The following ALDH1L2 variants were observed in gnomAD, a reference collection of about 807,000 sequenced individuals.
The protein encoded by ALDH1L2 is aldehyde dehydrogenase 1 family member L2.
Under a neutral mutation model 111.0 loss-of-function variants are expected in ALDH1L2, and 91 were observed. That is an observed-to-expected ratio of 0.82 (90% confidence interval 0.69 to 0.98). ALDH1L2 has a LOEUF of 0.98. ALDH1L2 is among the 50% of genes least tolerant of loss of function. The pLI, the probability that ALDH1L2 is intolerant of heterozygous loss-of-function variation, is 0.00. For missense variants in ALDH1L2, 995 were observed against 1,126.8 expected (o/e 0.88, Z 1.67); for synonymous variants, 374 against 392.6 (o/e 0.95, Z 0.56).
chr12:105,073,301 T>TTACCCACATGCTG (rs1236500874), intron 2 of ALDH1L2, among the ~76,000 whole-genome samples: 2 of 152,342 alleles, frequency 1.3e-5, no homozygotes, highest in East Asian at 3.9e-4. Context: ...ACACACGCTG[T>TTACCCACATGCTG]TACCCACATG....
intron 21 of ALDH1L2, among the ~76,000 whole-genome samples, chr12:105,029,037 T>G (rs1439134176): frequency 2.6e-5 from 4 of 151,652 alleles, no homozygotes; most frequent in Non-Finnish European, 5.9e-5. Flanking sequence ...TTTTTTTTTT[T>G]TTTTTTAGAG....
In ALDH1L2 at chr12:105,023,559, G is replaced by T. The variant is rs1254881811; in HGVS notation, c.*865C>A. Reference sequence around the variant, plus strand: ...TACTTACCATGAGCAAAGCATTAATGTGAGGTGCTTTACTTACATTACTGC... The same window carrying T: ...TACTTACCATGAGCAAAGCATTAATTTGAGGTGCTTTACTTACATTACTGC... On this transcript the variant is annotated 3_prime_UTR_variant, in exon 23 of 23. Coordinates refer to ENST00000258494, the MANE Select transcript of ALDH1L2 (RefSeq NM_001034173.4). The T allele has an allele frequency of 6.6e-6, 1 of 152,180 alleles. No individual in the cohort carries two copies. Among genetic ancestry groups the T allele is most frequent in the East Asian group, 1.9e-4 (1 of 5,202 alleles). The allele number at this position is 152,180 out of a possible 1,614,324, so 9.4% of individuals were successfully genotyped here. A position where few individuals can be genotyped will look rare whatever the true frequency, so the allele number is the denominator to read the frequency against.
Position 105,061,041 on chromosome 12 carries a change from G to A in ALDH1L2, c.1079C>T (p.Pro360Leu). Residue 360 changes from proline (P) to leucine (L), a missense_variant, in exon 9 of 23, where the codon CCC (proline) becomes CTC (leucine). Pro to Leu is a moderately conservative substitution (Grantham distance 98). Coordinates refer to ENST00000258494, the MANE Select transcript of ALDH1L2 (RefSeq NM_001034173.4). ...VIWAGILSNV[P>L]IIEDSTDFFK... is the part of the protein sequence containing the mutation. ...GAAGTCTGTTGAGTCTTCAATAATG[G>A]GGACATTGCTTAAAATTCCAGCCCA... 6.2e-7 allele frequency: 1 copy of A among 1,613,894 alleles called. No individual in the cohort carries two copies. Among genetic ancestry groups the A allele is most frequent in the Non-Finnish European group, 8.5e-7 (1 of 1,179,916 alleles).
Position 105,065,356 on chromosome 12 carries a change from T to C in ALDH1L2, c.697A>G (p.Ile233Val), listed in dbSNP as rs377303998. The C allele has an allele frequency of 6.2e-7, 1 of 1,610,762 alleles. No individual in the cohort carries two copies. Among genetic ancestry groups the C allele is most frequent in the East Asian group, 2.2e-5 (1 of 44,730 alleles). ...EGIQKKENAE[I>V]SWDQSAEVLH... The stretch of plus-strand genomic sequence containing the variant: ...ACTTCGGCAGACTGGTCCCAAGAAA[T>C]CTAGGAAGGCACAAAATACAGGCTG... Residue 233 changes from isoleucine to valine, a missense_variant and splice_region_variant, in exon 6 of 23, where the codon ATT becomes GTT. Physicochemically the swap from Ile to Val is conservative, Grantham distance 29. Coordinates refer to ENST00000258494, the MANE Select transcript of ALDH1L2 (RefSeq NM_001034173.4).
intron 17 of ALDH1L2, 77 bp from the exon 18 acceptor site, chr12:105,038,279 A>AAACAC (rs1875298448): frequency 2.3e-4 from 58 of 246,932 alleles, no homozygotes; most frequent in African/African-American, 1.4e-3. Context: ...CACACACACA[A>AAACAC]ACACACACAC....
chr12:105,026,285 G>A (rs904908095), intron 22 of ALDH1L2, among the ~76,000 whole-genome samples: 1 of 152,148 alleles, frequency 6.6e-6, no homozygotes, highest in African/African-American at 2.4e-5. Flanking sequence ...AAAGTATATT[G>A]TTGCAATTTC....
chr12:105,052,202 A>G lies in ALDH1L2; in HGVS notation c.1423T>C (p.Ser475Pro). Residue 475 changes from serine (S) to proline (P), a missense_variant, in exon 12 of 23, where the codon TCC becomes CCC. Ser to Pro is a moderately conservative substitution (Grantham distance 74). Transcript: ENST00000258494. ...PTDGSTICKV[S>P]YASLADVDKA... ...TCAACATCCGCCAAAGAAGCGTAGGATACTTTGCATATTGTCTATTTCAAG... is the reference window on the plus strand; with the variant it reads ...TCAACATCCGCCAAAGAAGCGTAGGGTACTTTGCATATTGTCTATTTCAAG... 9 of 1,604,934 alleles carry G rather than the reference A, an allele frequency of 5.6e-6. 1 individual carries two copies. Among genetic ancestry groups the G allele is most frequent in the Non-Finnish European group, 7.6e-6 (9 of 1,176,582 alleles).
chr12:105,070,921 A>G, intron 2 of ALDH1L2, 117 bp from the exon 3 acceptor site: 2 of 857,804 alleles, frequency 2.3e-6, no homozygotes, highest in East Asian at 5.3e-5. Context: ...AACATGGTGA[A>G]GAACAATTTA....
intron 21 of ALDH1L2, among the ~76,000 whole-genome samples, chr12:105,027,001 C>T (rs749857595): frequency 1.3e-5 from 2 of 152,158 alleles, no homozygotes; most frequent in Non-Finnish European, 2.9e-5. Flanking sequence ...TCCCAAGTAG[C>T]GGGGACTACA....
At chr12:105,043,659 G>T (rs780153653) in intron 15 of ALDH1L2, among the ~76,000 whole-genome samples, 12 of 152,246 alleles carry the variant, frequency 7.9e-5, no homozygotes, top group South Asian at 2.1e-4. Flanking sequence ...AGAATATAAA[G>T]GTTTTAAAAT....
intron 12 of ALDH1L2, among the ~76,000 whole-genome samples, chr12:105,051,756 G>A (rs1876277662): frequency 6.6e-6 from 1 of 151,540 alleles, no homozygotes; most frequent in Admixed American, 6.6e-5. Flanking sequence ...ATATCCAAAG[G>A]TAGTAGACTC....
chr12:105,030,899 T>C (rs139609366), intron 20 of ALDH1L2, among the ~76,000 whole-genome samples: 1 of 152,336 alleles, frequency 6.6e-6, no homozygotes, highest in Non-Finnish European at 1.5e-5. Flanking sequence ...TCACAGTTGG[T>C]TTGTTTGATT....
chr12:105,063,019 C>A lies in ALDH1L2; in HGVS notation c.790G>T (p.Val264Phe), dbSNP rs1877098389. 1 of 1,612,386 alleles carries A rather than the reference C, an allele frequency of 6.2e-7. No homozygotes were observed. Among genetic ancestry groups the A allele is most frequent in the Non-Finnish European group, 8.5e-7 (1 of 1,179,504 alleles). Residue 264 changes from valine (V) to phenylalanine (F), a missense_variant, in exon 7 of 23, where the codon GTC becomes TTC. Val to Phe is a conservative substitution (Grantham distance 50). Coordinates refer to ENST00000258494, the MANE Select transcript of ALDH1L2 (RefSeq NM_001034173.4). ...AGTAATGTCGAGCCATAGAAAGTGA[C>A]CATCTAGTAAAGAGATCAAACACAG... The part of the protein sequence containing the change: ...GAWTEINGQM[V>F]TFYGSTLLNS...
intron 1 of ALDH1L2, among the ~76,000 whole-genome samples, chr12:105,074,712 C>G (rs10861345): frequency 0.63 from 96,068 of 151,934 alleles, 30,537 homozygotes; most frequent in Middle Eastern, 0.78. Context: ...CTGAGAAACT[C>G]TGTTTTTGAA....
At chr12:105,043,019 T>C (rs1443183750) in intron 15 of ALDH1L2, among the ~76,000 whole-genome samples, 1 of 152,238 alleles carries the variant, frequency 6.6e-6, no homozygotes, top group Non-Finnish European at 1.5e-5. Context: ...TATTTATATA[T>C]TTTAGCTGAC....
chr12:105,077,197 A>C (rs12823614), intron 1 of ALDH1L2, among the ~76,000 whole-genome samples: 21,091 of 152,194 alleles, frequency 0.14, 1,633 homozygotes, highest in East Asian at 0.23. Flanking sequence ...CGCATTAGTG[A>C]GAAAGGGCAT....
chr12:105,069,064 ACTG>A (rs1471850426), intron 3 of ALDH1L2, among the ~76,000 whole-genome samples, 180 bp from the exon 4 acceptor site: 3 of 152,226 alleles, frequency 2.0e-5, no homozygotes, highest in African/African-American at 7.2e-5. Flanking sequence ...GCCTAATGGT[ACTG>A]CTATTTTATA....
chr12:105,030,436 G>T lies in ALDH1L2; in HGVS notation c.2411-7C>A. On this transcript the variant is annotated splice_polypyrimidine_tract_variant and splice_region_variant and intron_variant, in intron 20 of 22. Transcript: ENST00000258494. ...GTCGGCTCCATGAAAAAGCCTTTTT[G>T]GAAAAAACAAAGAAAAAATGTCAAC... 6.3e-7 allele frequency: 1 copy of T among 1,596,514 alleles called. No homozygotes were observed. Among genetic ancestry groups the T allele is most frequent in the African/African-American group, 1.3e-5 (1 of 74,232 alleles).
chr12:105,022,157 A>G lies in ALDH1L2; in HGVS notation c.*2267T>C, dbSNP rs942712035. 6 of 152,228 alleles carry G rather than the reference A, an allele frequency of 3.9e-5. No homozygotes were observed. The highest frequency in any genetic ancestry group is 1.4e-4 in the African/African-American group (6 of 41,460). 9.4% of individuals were successfully genotyped at this position (152,228 alleles called of 1,614,324 possible). A position where few individuals can be genotyped will look rare whatever the true frequency, so the allele number is the denominator to read the frequency against. On this transcript the variant is annotated 3_prime_UTR_variant, in exon 23 of 23. Transcript: ENST00000258494. ...ATGTTCCAATTCCAGTTCACTTGGT[A>G]ACTTTATGTATTACACAGAGCCTTT... is the stretch of plus-strand genomic sequence containing the variant.
Sources: gnomAD v4.1 joint callset for allele counts (sites outside exome capture counted in the v4.1 genomes callset) on GRCh38, gnomAD v4.1.1 for gene constraint, MANE v1.5 for transcripts, NCBI Gene and HGNC (gene_info 2026-07-23, HGNC 2026-07-21) for gene names.